Variants in KLHDC1 observed in about 807,000 individuals in gnomAD.
KLHDC1 encodes kelch domain-containing protein 1.
In KLHDC1, 53 loss-of-function variants were observed where a neutral mutation model predicts 68.3. The observed-to-expected ratio is 0.78, with a 90% confidence interval of 0.62 to 0.98. KLHDC1 has a LOEUF of 0.98. Ranked by LOEUF, KLHDC1 falls within the 50% of genes least tolerant of loss-of-function variation. KLHDC1 has a pLI of 0.00. For synonymous variants in KLHDC1, 148 were observed against 159.0 expected (o/e 0.93, Z 0.52); for missense variants, 470 against 492.3 (o/e 0.95, Z 0.43).
At chr14:49,696,488 G>C (rs1458577739) in intron 1 of KLHDC1, among the ~76,000 whole-genome samples, 3 of 152,024 alleles carry the variant, frequency 2.0e-5, no homozygotes, top group Non-Finnish European at 4.4e-5. Flanking sequence ...GCCTTACCTT[G>C]CACTTTTATG....
At chr14:49,722,715 A>G (rs1407812399) in intron 4 of KLHDC1, among the ~76,000 whole-genome samples, 1 of 152,132 alleles carries the variant, frequency 6.6e-6, no homozygotes, top group Non-Finnish European at 1.5e-5. Context: ...CCTCACAATT[A>G]TGGCAGAAAG....
intron 4 of KLHDC1, among the ~76,000 whole-genome samples, chr14:49,712,337 A>C (rs999395996): frequency 6.6e-6 from 1 of 152,164 alleles, no homozygotes; most frequent in African/African-American, 2.4e-5. Flanking sequence ...ATAGAATCCC[A>C]ATAGTCTGCA....
intron 8 of KLHDC1, among the ~76,000 whole-genome samples, chr14:49,732,328 A>G (rs1465435819): frequency 6.6e-6 from 1 of 152,130 alleles, no homozygotes; most frequent in Non-Finnish European, 1.5e-5. Context: ...GCATGCCACC[A>G]GGCCCAGCTA....
intron 12 of KLHDC1, among the ~76,000 whole-genome samples, chr14:49,748,672 G>A (rs1056269210): frequency 9.9e-5 from 15 of 151,798 alleles, no homozygotes; most frequent in Non-Finnish European, 1.8e-4. Flanking sequence ...AAATTCATAC[G>A]ATATGAAAAG....
chr14:49,706,514 A>G (rs1263102167), intron 1 of KLHDC1, among the ~76,000 whole-genome samples: 1 of 152,186 alleles, frequency 6.6e-6, no homozygotes, highest in Non-Finnish European at 1.5e-5. Flanking sequence ...GGGGTGCTGG[A>G]TCATATGGTA....
At chr14:49,715,103 A>G (rs548465123) in intron 4 of KLHDC1, among the ~76,000 whole-genome samples, 10 of 147,750 alleles carry the variant, frequency 6.8e-5, no homozygotes, top group Admixed American at 2.0e-4. Context: ...AAGTGTATAT[A>G]TATTCATATA....
At chr14:49,718,480 C>A (rs952471768) in intron 4 of KLHDC1, among the ~76,000 whole-genome samples, 1 of 151,374 alleles carries the variant, frequency 6.6e-6, no homozygotes, top group African/African-American at 2.4e-5. Flanking sequence ...AAGGTTTCAC[C>A]ATGTTGGCCA....
intron 4 of KLHDC1, among the ~76,000 whole-genome samples, chr14:49,716,930 G>A (rs571919021): frequency 2.6e-5 from 4 of 152,056 alleles, no homozygotes; most frequent in South Asian, 2.1e-4. Flanking sequence ...AATAATTTAC[G>A]AATAAGCAGA....
rs35374967 is a variant in KLHDC1, at chr14:49,722,123, C to CT, written c.405-1743dup. On this transcript the variant is annotated intron_variant, in intron 4 of 12. Transcript: ENST00000359332. The stretch of plus-strand genomic sequence containing the variant: ...TAAATTCCGTCTATGGCTGGGTTTC[C>CT]TTTTTTTTGTTGTTATTATTATACT... Among the ~76,000 whole-genome samples the CT allele has an allele frequency of 5.9e-4, 89 of 152,006 alleles. 1 individual carries two copies. Among genetic ancestry groups the CT allele is most frequent in the Middle Eastern group, 6.8e-3 (2 of 294 alleles).
At chr14:49,740,586 G>A (rs531109905) in intron 11 of KLHDC1, among the ~76,000 whole-genome samples, 4 of 151,950 alleles carry the variant, frequency 2.6e-5, no homozygotes, top group Admixed American at 6.6e-5. Context: ...TGATCCGCCC[G>A]CCTCAGCCTC....
intron 1 of KLHDC1, among the ~76,000 whole-genome samples, chr14:49,694,814 A>T (rs1186109258): frequency 2.0e-5 from 3 of 152,238 alleles, no homozygotes; most frequent in African/African-American, 7.2e-5. Context: ...AGATTGCGCC[A>T]TTGCATTCCA....
At chr14:49,710,714 C>T (rs1888176153) in intron 4 of KLHDC1, among the ~76,000 whole-genome samples, 1 of 152,192 alleles carries the variant, frequency 6.6e-6, no homozygotes, top group Admixed American at 6.6e-5. Context: ...CTCTCTCCTT[C>T]CCATTCCTTC....
intron 11 of KLHDC1, among the ~76,000 whole-genome samples, chr14:49,741,953 T>C (rs1889075385): frequency 6.6e-6 from 1 of 152,176 alleles, no homozygotes; most frequent in Non-Finnish European, 1.5e-5. Flanking sequence ...CACAGTTATC[T>C]CCAGAGCTGC....
chr14:49,709,963 G>C, intron 3 of KLHDC1, 137 bp downstream of exon 3: 1 of 537,276 alleles, frequency 1.9e-6, no homozygotes, highest in East Asian at 3.2e-5. Flanking sequence ...TTAAAGCTGG[G>C]TTGAAAATGC....
At position 49,725,786 on chromosome 14, in the gene KLHDC1, G is replaced by T. The variant is rs750589477; in HGVS notation, c.567+17G>T. On this transcript the variant is annotated intron_variant, in intron 6 of 12. Coordinates refer to ENST00000359332, the MANE Select transcript of KLHDC1 (RefSeq NM_172193.3). ...GAAATTAAAGTAAGTGTGGTAAAAA[G>T]TCATCTTTATATATTTGTATTTAAA... 7.6e-7 allele frequency: 1 copy of T among 1,321,302 alleles called. No individual in the cohort carries two copies. The highest frequency in any genetic ancestry group is 1.1e-6 in the Non-Finnish European group (1 of 941,352). The allele number at this position is 1,321,302 out of a possible 1,614,324, so 81.8% of individuals were successfully genotyped here.
At chr14:49,694,131 A>G (rs1594641029) in intron 1 of KLHDC1, among the ~76,000 whole-genome samples, 1 of 152,168 alleles carries the variant, frequency 6.6e-6, no homozygotes, top group African/African-American at 2.4e-5. Flanking sequence ...AAATAGACGC[A>G]TGTTAGCAAT....
At chr14:49,725,571 C>T (rs1594669723) in intron 5 of KLHDC1, 115 bp from the exon 6 acceptor site, 1 of 660,000 alleles carries the variant, frequency 1.5e-6, no homozygotes, top group Non-Finnish European at 2.6e-6. Flanking sequence ...TATGGTAACA[C>T]TTAACTCTAT....
At chr14:49,721,395 C>T (rs1888521574) in intron 4 of KLHDC1, among the ~76,000 whole-genome samples, 1 of 151,972 alleles carries the variant, frequency 6.6e-6, no homozygotes, top group South Asian at 2.1e-4. Context: ...GTTGCCCAGG[C>T]TGATCTCAAA....
At position 49,698,704 on chromosome 14, in the gene KLHDC1, C is replaced by T. The variant is rs544117815; in HGVS notation, c.96+5414C>T. 5.9e-5 allele frequency among the ~76,000 whole-genome samples: 9 copies of T among 151,384 alleles called. No homozygotes were observed. The South Asian group carries it at 1.3e-3, about 21-fold the overall frequency. Reference sequence around the variant, plus strand: ...CTAGTTTTTGTATTTTTAGTAGAGACGGAGTTTTGCCATGTTGGCCAGGCT... The same window carrying T: ...CTAGTTTTTGTATTTTTAGTAGAGATGGAGTTTTGCCATGTTGGCCAGGCT... On this transcript the variant is annotated intron_variant, in intron 1 of 12. Transcript: ENST00000359332.
Sources: gnomAD v4.1 joint callset for allele counts (sites outside exome capture counted in the v4.1 genomes callset) on GRCh38, gnomAD v4.1.1 for gene constraint, MANE v1.5 for transcripts, NCBI Gene and HGNC (gene_info 2026-07-23, HGNC 2026-07-21) for gene names.